Variants in DOCK3 observed in about 807,000 individuals in gnomAD.
DOCK3 encodes dedicator of cytokinesis protein 3.
DOCK3 carries 60 observed loss-of-function variants against 265.6 expected under a neutral mutation model. The ratio of observed to expected loss-of-function variants is 0.23; its 90% CI spans 0.18 to 0.28. DOCK3 has a LOEUF of 0.28. DOCK3 is among the 10% of genes least tolerant of loss of function. The pLI is 1.00. For synonymous variants in DOCK3, 881 were observed against 938.0 expected, an observed-to-expected ratio of 0.94 and a Z score of 1.11; for missense variants, 1,981 against 2,594.3, an observed-to-expected ratio of 0.76 and a Z score of 5.14.
At chr3:50,806,388 T>C (rs1046320874) in intron 2 of DOCK3, among the ~76,000 whole-genome samples, 1 of 151,980 alleles carries the variant, frequency 6.6e-6, no homozygotes, top group African/African-American at 2.4e-5. Flanking sequence ...CAAGTCCTTA[T>C]TGGGAGCATA....
intron 4 of DOCK3, among the ~76,000 whole-genome samples, chr3:50,917,985 C>T (rs1357768237): frequency 6.6e-6 from 1 of 152,064 alleles, no homozygotes; most frequent in Non-Finnish European, 1.5e-5. Flanking sequence ...GTTCAGTTCT[C>T]ACCTGTGAGT....
At chr3:51,220,281 G>C (rs542868495) in intron 14 of DOCK3, among the ~76,000 whole-genome samples, 1 of 152,172 alleles carries the variant, frequency 6.6e-6, no homozygotes, top group Admixed American at 6.5e-5. Context: ...CATCTTACAT[G>C]ATCTTAAGGA....
At chr3:51,110,911 T>C (rs1030909885) in intron 9 of DOCK3, among the ~76,000 whole-genome samples, 6 of 152,196 alleles carry the variant, frequency 3.9e-5, no homozygotes, top group Non-Finnish European at 8.8e-5. Flanking sequence ...TCAGATGACA[T>C]GGTTCTATTC....
chr3:51,017,890 GTCTTTT>G (rs1215183673), intron 5 of DOCK3, among the ~76,000 whole-genome samples: 3 of 151,846 alleles, frequency 2.0e-5, no homozygotes, highest in South Asian at 2.1e-4. Flanking sequence ...GGTTTTCTAT[GTCTTTT>G]TCTTTTTCTT....
intron 12 of DOCK3, among the ~76,000 whole-genome samples, chr3:51,177,953 G>A (rs2087049533): frequency 6.7e-6 from 1 of 149,796 alleles, no homozygotes; most frequent in South Asian, 2.1e-4. Context: ...TCATGCCACT[G>A]CACTCCAACC....
chr3:51,201,494 C>G (rs905983230), intron 12 of DOCK3, among the ~76,000 whole-genome samples: 2 of 152,066 alleles, frequency 1.3e-5, no homozygotes, highest in Non-Finnish European at 2.9e-5. Context: ...TATATGCACC[C>G]AATACAGGAG....
chr3:51,373,516 G>A (rs572691050), intron 49 of DOCK3, among the ~76,000 whole-genome samples: 24 of 152,136 alleles, frequency 1.6e-4, no homozygotes, highest in Non-Finnish European at 2.9e-4. Context: ...ATTCCCCCAG[G>A]AAAGCCAGCA....
intron 4 of DOCK3, among the ~76,000 whole-genome samples, chr3:50,909,334 G>A (rs866039377): frequency 6.6e-5 from 10 of 152,074 alleles, no homozygotes; most frequent in South Asian, 4.1e-4. Flanking sequence ...ACTTCAGTGC[G>A]TTTTTGTAGT....
intron 38 of DOCK3, among the ~76,000 whole-genome samples, chr3:51,348,147 T>C (rs2085725301): frequency 6.6e-6 from 1 of 152,134 alleles, no homozygotes; most frequent in African/African-American, 2.4e-5. Flanking sequence ...ATGGATAATA[T>C]CGCCTCTTAA....
intron 52 of DOCK3, among the ~76,000 whole-genome samples, 159 bp from the exon 53 acceptor site, chr3:51,380,891 G>A (rs2088576562): frequency 6.6e-6 from 1 of 152,202 alleles, no homozygotes; most frequent in Non-Finnish European, 1.5e-5. Flanking sequence ...TGGCTTAGGG[G>A]TGGTGGGAGG....
At chr3:51,104,257 G>A (rs2083191175) in intron 9 of DOCK3, among the ~76,000 whole-genome samples, 2 of 152,196 alleles carry the variant, frequency 1.3e-5, no homozygotes, top group South Asian at 4.1e-4. Context: ...AAACGAACAA[G>A]GACATAGGAC....
At chr3:51,048,062 G>T (rs1412422770) in intron 5 of DOCK3, among the ~76,000 whole-genome samples, 1 of 151,988 alleles carries the variant, frequency 6.6e-6, no homozygotes, top group African/African-American at 2.4e-5. Context: ...ATGCAAATAT[G>T]GCTCAACATA....
intron 1 of DOCK3, among the ~76,000 whole-genome samples, chr3:50,723,617 A>T (rs1042380772): frequency 3.3e-5 from 5 of 152,258 alleles, no homozygotes; most frequent in African/African-American, 1.2e-4. Flanking sequence ...TATTTAATAA[A>T]TGGTGCTGGG....
At chr3:51,072,999 C>T (rs1280478815) in intron 6 of DOCK3, among the ~76,000 whole-genome samples, 1 of 151,952 alleles carries the variant, frequency 6.6e-6, no homozygotes, top group Admixed American at 6.6e-5. Context: ...TGAGCTACCG[C>T]ACCTAGCCAT....
At chr3:50,917,049 A>G (rs1302663057) in intron 4 of DOCK3, among the ~76,000 whole-genome samples, 1 of 152,072 alleles carries the variant, frequency 6.6e-6, no homozygotes, top group Non-Finnish European at 1.5e-5. Flanking sequence ...TACTTGTCAT[A>G]GTAATGATGT....
chr3:51,248,700 A>G, intron 22 of DOCK3, among the ~76,000 whole-genome samples: 2 of 145,202 alleles, frequency 1.4e-5, no homozygotes, highest in African/African-American at 2.6e-5. Context: ...CCCAGTCTGG[A>G]AAGTGAGGAG....
intron 5 of DOCK3, among the ~76,000 whole-genome samples, chr3:51,016,823 T>A (rs1347412660): frequency 3.7e-5 from 1 of 27,134 alleles, no homozygotes; most frequent in African/African-American, 1.6e-4. Flanking sequence ...ATATCATATA[T>A]AAATATATAT....
intron 2 of DOCK3, among the ~76,000 whole-genome samples, chr3:50,790,272 C>G (rs1391976121): frequency 1.3e-5 from 2 of 152,098 alleles, no homozygotes; most frequent in East Asian, 3.8e-4. Context: ...CATTCTGTAT[C>G]TTTTAAGTGG....
intron 5 of DOCK3, among the ~76,000 whole-genome samples, chr3:50,937,971 A>G (rs1419543411): frequency 1.3e-5 from 2 of 152,116 alleles, no homozygotes; most frequent in African/African-American, 4.8e-5. Flanking sequence ...TGTTGTTTAT[A>G]TGAAACTCAC....
Sources: allele counts gnomAD v4.1 joint callset (sites outside exome capture counted in the v4.1 genomes callset), GRCh38; gene constraint gnomAD v4.1.1; transcripts MANE v1.5; gene names NCBI Gene and HGNC (gene_info 2026-07-23, HGNC 2026-07-21).